SULT1E1: variants seen among roughly 807,000 people sequenced by gnomAD.
The protein encoded by SULT1E1 is sulfotransferase family 1E member 1, also known as sulfotransferase 1E1.
A neutral mutation model predicts 33.6 loss-of-function variants in SULT1E1; 36 were observed. That is an observed-to-expected ratio of 1.07 (90% CI 0.82 to 1.41). The LOEUF is 1.41. Ranked by LOEUF, SULT1E1 falls within the 40% of genes most tolerant of loss-of-function variation. The pLI is 0.00. For missense variants in SULT1E1, 371 were observed against 345.7 expected (o/e 1.07, Z -0.58); for synonymous variants, 121 against 111.7 (o/e 1.08, Z -0.53).
chr4:69,832,715 G>A, the SULT1E1 span, among the ~76,000 whole-genome samples: 1 of 152,146 alleles, frequency 6.6e-6, no homozygotes, highest in African/African-American at 2.4e-5. Context: ...CTGTAAGCTA[G>A]ACCTGCTCAG....
chr4:69,833,208 G>A, the SULT1E1 span, among the ~76,000 whole-genome samples: 1 of 152,042 alleles, frequency 6.6e-6, no homozygotes, highest in African/African-American at 2.4e-5. Context: ...TTTAGATGAG[G>A]GATATGATAC....
chr4:69,853,738 T>G (rs770937110), intron 4 of SULT1E1, among the ~76,000 whole-genome samples: 1 of 152,164 alleles, frequency 6.6e-6, no homozygotes, highest in Non-Finnish European at 1.5e-5. Context: ...CAATACATAG[T>G]TATTATATGA....
intron 7 of SULT1E1, 90 bp downstream of exon 7, chr4:69,844,071 T>A: frequency 1.7e-6 from 2 of 1,173,002 alleles, no homozygotes; most frequent in East Asian, 4.7e-5. Context: ...GCTGGGTTCA[T>A]AGGCATTAAA....
intron 4 of SULT1E1, among the ~76,000 whole-genome samples, chr4:69,853,140 G>A (rs1721160961): frequency 6.6e-6 from 1 of 151,924 alleles, no homozygotes; most frequent in African/African-American, 2.4e-5. Context: ...TTAATGACTG[G>A]GATATATCCC....
chr4:69,822,458 A>C, the SULT1E1 span, among the ~76,000 whole-genome samples: 2 of 152,166 alleles, frequency 1.3e-5, no homozygotes, highest in Non-Finnish European at 2.9e-5. Context: ...AATACTAAAA[A>C]TTAGCCAAAC....
chr4:69,829,362 T>C, the SULT1E1 span, among the ~76,000 whole-genome samples: 1 of 152,208 alleles, frequency 6.6e-6, no homozygotes, highest in Non-Finnish European at 1.5e-5. Flanking sequence ...TAGTGGGTAC[T>C]GATGGACCCA....
chr4:69,845,092 G>A (rs868047178), intron 6 of SULT1E1, among the ~76,000 whole-genome samples: 1 of 151,866 alleles, frequency 6.6e-6, no homozygotes, highest in African/African-American at 2.4e-5. Context: ...TCCCATAATT[G>A]TTTAAATAAA....
intron 2 of SULT1E1, among the ~76,000 whole-genome samples, chr4:69,856,926 A>G (rs1181108705): frequency 1.9e-5 from 2 of 105,850 alleles, no homozygotes; most frequent in East Asian, 5.7e-4. Context: ...ACAGAGCGAG[A>G]CTCCGTCTCA....
intron 5 of SULT1E1, chr4:69,849,138 G>A (rs1721046514): frequency 5.0e-6 from 1 of 199,978 alleles, no homozygotes; most frequent in South Asian, 1.0e-4. Context: ...AAGAGACAAG[G>A]CAGAAAATCA....
At position 69,854,328 on chromosome 4, in the gene SULT1E1, A is replaced by G; in HGVS notation, c.272-14T>C. The G allele has an allele frequency of 5.1e-6, 8 of 1,582,062 alleles. No individual in the cohort carries two copies. The highest frequency in any genetic ancestry group is 6.1e-6 in the Non-Finnish European group (7 of 1,157,000). On this transcript the variant is annotated splice_polypyrimidine_tract_variant and intron_variant, in intron 3 of 7. Coordinates refer to ENST00000226444, the MANE Select transcript of SULT1E1 (RefSeq NM_005420.3). ...ATTGTTTTACTCCTGATTTTTAAAA[A>G]AGTAAAGGTTAAGCAACTTCAAAAA...
At chr4:69,852,429 C>T (rs1721143893) in intron 4 of SULT1E1, among the ~76,000 whole-genome samples, 1 of 152,182 alleles carries the variant, frequency 6.6e-6, no homozygotes, top group South Asian at 2.1e-4. Flanking sequence ...AAAGGTTTCA[C>T]TTTTGAAGAA....
the SULT1E1 span, among the ~76,000 whole-genome samples, chr4:69,826,492 G>T: frequency 7.2e-5 from 11 of 151,890 alleles, no homozygotes; most frequent in Non-Finnish European, 1.3e-4. Context: ...CCGATCAGCA[G>T]GGTCCAGGGA....
At chr4:69,823,863 A>AC in the SULT1E1 span, among the ~76,000 whole-genome samples, 621 of 151,688 alleles carry the variant, frequency 4.1e-3, 7 homozygotes, top group African/African-American at 0.014. Context: ...CGCTCAGTGG[A>AC]CCCCCCCTAG....
the SULT1E1 span, among the ~76,000 whole-genome samples, chr4:69,826,875 G>C: frequency 2.0e-5 from 3 of 152,058 alleles, no homozygotes; most frequent in Non-Finnish European, 4.4e-5. Flanking sequence ...CCCACAGGAG[G>C]ACCTCTCAGC....
At chr4:69,859,116 T>G (rs774917809) in intron 1 of SULT1E1, among the ~76,000 whole-genome samples, 2 of 152,138 alleles carry the variant, frequency 1.3e-5, no homozygotes, top group Non-Finnish European at 2.9e-5. Context: ...CAGTTAGAAA[T>G]TGTCAATTTT....
chr4:69,822,853 T>C, the SULT1E1 span, among the ~76,000 whole-genome samples: 1 of 152,074 alleles, frequency 6.6e-6, no homozygotes, highest in Non-Finnish European at 1.5e-5. Context: ...TAGAAGAATA[T>C]GTATTGCACA....
In SULT1E1 at chr4:69,849,548, G is replaced by A. The variant is rs762229711; in HGVS notation, c.385C>T (p.Arg129Trp). The change falls in exon 5 of 8, where the codon CGG (arginine) becomes TGG (tryptophan). Residue 129 changes from arginine to tryptophan, a missense_variant. By Grantham distance (101) the Arg-to-Trp change is moderately radical. Transcript: ENST00000226444. ...EKDCKIIYLC[R>W]NAKDVAVSFY... The stretch of plus-strand genomic sequence containing the variant: ...GAAACAGCCACATCCTTTGCATTCC[G>A]GCAAAGATAGATTATCTAAGAGGAT... 22 of 1,604,138 alleles carry A rather than the reference G, an allele frequency of 1.4e-5. No homozygotes were observed. The highest frequency in any genetic ancestry group is 5.6e-5 in the South Asian group (5 of 89,478).
Position 69,851,865 on chromosome 4 carries a change from A to G in SULT1E1, c.370-2302T>C, listed in dbSNP as rs887735787. On this transcript the variant is annotated intron_variant, in intron 4 of 7. Coordinates refer to ENST00000226444, the MANE Select transcript of SULT1E1 (RefSeq NM_005420.3). ...TGGAAACCATCATTCTCAGCAAACT[A>G]TCTCAAGAACAAAAAACCAAACACC... Among the ~76,000 whole-genome samples, 18 of 152,156 alleles carry G rather than the reference A, an allele frequency of 1.2e-4. 1 individual carries two copies. The highest frequency in any genetic ancestry group is 6.5e-4 in the Admixed American group (10 of 15,276).
At chr4:69,831,725 T>C in the SULT1E1 span, among the ~76,000 whole-genome samples, 1 of 151,748 alleles carries the variant, frequency 6.6e-6, no homozygotes. Flanking sequence ...ATTACGGGAG[T>C]TTTCAGATGC....
Sources: gnomAD v4.1 joint callset for allele counts (sites outside exome capture counted in the v4.1 genomes callset) on GRCh38, gnomAD v4.1.1 for gene constraint, MANE v1.5 for transcripts, NCBI Gene and HGNC (gene_info 2026-07-23, HGNC 2026-07-21) for gene names.